Variants in RBM6 observed in about 807,000 individuals in gnomAD.
The protein encoded by RBM6 is RNA binding motif protein 6.
Under a neutral mutation model 140.4 loss-of-function variants are expected in RBM6, and 23 were observed. The observed-to-expected ratio is 0.16, with a 90% CI of 0.12 to 0.23. The LOEUF is 0.23. Among genes scored for constraint, RBM6 ranks in the 10% least tolerant of loss-of-function variants. The pLI is 1.00. For synonymous variants in RBM6, 439 were observed against 475.6 expected (o/e 0.92, Z 1.00); for missense variants, 1,139 against 1,386.7 (o/e 0.82, Z 2.84).
intron 6 of RBM6, among the ~76,000 whole-genome samples, chr3:50,041,390 G>C (rs2088908012): frequency 1.3e-5 from 2 of 152,176 alleles, no homozygotes; most frequent in African/African-American, 4.8e-5. Context: ...ACTTCCCTTA[G>C]CCACTGTACT....
At chr3:50,059,827 C>T in intron 11 of RBM6, 81 bp downstream of exon 11, 2 of 1,108,788 alleles carry the variant, frequency 1.8e-6, no homozygotes, top group Middle Eastern at 2.2e-4. Context: ...GCTGGAAAAA[C>T]AGTAAAGCAT....
At chr3:50,058,611 C>T (rs561675514) in intron 10 of RBM6, 49 bp downstream of exon 10, 33 of 1,528,330 alleles carry the variant, frequency 2.2e-5, no homozygotes, top group Non-Finnish European at 2.9e-5. Flanking sequence ...GGCTAAAGAA[C>T]CTTCAAGAAG....
At chr3:50,041,109 A>G (rs908355001) in intron 6 of RBM6, among the ~76,000 whole-genome samples, 2 of 152,214 alleles carry the variant, frequency 1.3e-5, no homozygotes, top group Admixed American at 1.3e-4. Context: ...GTTTGCTGTC[A>G]AGAACATTTT....
At chr3:50,019,258 TAG>T (rs1306354365) in intron 6 of RBM6, among the ~76,000 whole-genome samples, 1 of 152,020 alleles carries the variant, frequency 6.6e-6, no homozygotes, top group African/African-American at 2.4e-5. Context: ...CTCCTGACCT[TAG>T]GTGATCTGCC....
intron 6 of RBM6, among the ~76,000 whole-genome samples, chr3:50,039,514 G>A (rs568111540): frequency 7.1e-4 from 96 of 135,628 alleles, no homozygotes; most frequent in African/African-American, 2.6e-3. Flanking sequence ...GTCTCCCAAA[G>A]TGCTGGGATT....
intron 6 of RBM6, among the ~76,000 whole-genome samples, chr3:50,034,630 G>A (rs540615174): frequency 7.9e-5 from 12 of 152,144 alleles, no homozygotes; most frequent in South Asian, 6.2e-4. Flanking sequence ...GTGTAGTAGC[G>A]CATGCTTGTA....
Position 49,968,173 on chromosome 3 carries a change from A to G in RBM6, c.748A>G (p.Arg250Gly), listed in dbSNP as rs149609754. The change falls in exon 3 of 21, where the codon AGG (arginine) becomes GGG (glycine). Residue 250 changes from arginine (R) to glycine (G), a missense_variant. Transcript: ENST00000266022. ...TACTACTGATCTAGACTTTAGGGACAGGGATACGCCACATTCAGATTTCAG... is the reference window on the plus strand; with the variant it reads ...TACTACTGATCTAGACTTTAGGGACGGGGATACGCCACATTCAGATTTCAG... ...SGTTDLDFRDRDTPHSDFRGR... is the reference protein window; with the variant it reads ...SGTTDLDFRDGDTPHSDFRGR... 1 of 1,614,224 alleles carries G rather than the reference A, an allele frequency of 6.2e-7. No individual in the cohort carries two copies. The highest frequency in any genetic ancestry group is 8.5e-7 in the Non-Finnish European group (1 of 1,180,036).
rs781339356 is a variant in RBM6, at chr3:50,058,600, T to G, written c.2130+38T>G. ...CACCTTGGATTGGCCTAGAGACAGATGGCTAAAGAACCTTCAAGAAGGTTT... is the reference window on the plus strand; with the variant it reads ...CACCTTGGATTGGCCTAGAGACAGAGGGCTAAAGAACCTTCAAGAAGGTTT... On this transcript the variant is annotated intron_variant, in intron 10 of 20. Transcript: ENST00000266022. 1.9e-6 allele frequency: 3 copies of G among 1,549,694 alleles called. No individual in the cohort carries two copies. The African/African-American group carries it at 4.1e-5, about 21-fold the overall frequency.
At chr3:49,964,103 C>T (rs2084404196) in intron 2 of RBM6, among the ~76,000 whole-genome samples, 1 of 151,958 alleles carries the variant, frequency 6.6e-6, no homozygotes, top group Non-Finnish European at 1.5e-5. Flanking sequence ...GATGGCGTTT[C>T]ACCATGTTGG....
At chr3:49,972,477 T>C (rs1351832959) in intron 4 of RBM6, among the ~76,000 whole-genome samples, 3 of 152,112 alleles carry the variant, frequency 2.0e-5, no homozygotes, top group Non-Finnish European at 4.4e-5. Flanking sequence ...ATTTCTGGAG[T>C]ATGTACATAA....
At chr3:50,022,620 G>A (rs115865640) in intron 6 of RBM6, among the ~76,000 whole-genome samples, 1,929 of 151,954 alleles carry the variant, frequency 0.013, 29 homozygotes, top group Non-Finnish European at 0.02. Flanking sequence ...GTGAGCCACC[G>A]CACCTGACAA....
chr3:50,063,255 C>T (rs1453830829), intron 15 of RBM6, among the ~76,000 whole-genome samples: 1 of 152,112 alleles, frequency 6.6e-6, no homozygotes, highest in East Asian at 1.9e-4. Flanking sequence ...TTTTAAATTA[C>T]TCCCTATGAC....
At chr3:50,039,296 A>G (rs942069553) in intron 6 of RBM6, among the ~76,000 whole-genome samples, 2 of 151,984 alleles carry the variant, frequency 1.3e-5, no homozygotes, top group South Asian at 2.1e-4. Flanking sequence ...CTGGAGTGCA[A>G]TCACACAATC....
intron 6 of RBM6, among the ~76,000 whole-genome samples, chr3:50,035,164 TTGAC>T (rs2088455106): frequency 6.6e-6 from 1 of 151,884 alleles, no homozygotes; most frequent in Non-Finnish European, 1.5e-5. Context: ...AAGAAACAAT[TTGAC>T]TGAGGGTCAT....
At chr3:50,073,367 G>A (rs983036058) in intron 19 of RBM6, among the ~76,000 whole-genome samples, 1 of 152,204 alleles carries the variant, frequency 6.6e-6, no homozygotes, top group Admixed American at 6.5e-5. Context: ...ATGGTGGAAA[G>A]TAAAAGAACA....
chr3:50,017,480 C>A (rs1397472533), intron 6 of RBM6, among the ~76,000 whole-genome samples: 1 of 151,542 alleles, frequency 6.6e-6, no homozygotes, highest in African/African-American at 2.4e-5. Context: ...ATGGCGTGAA[C>A]CCAGGAGGTG....
intron 6 of RBM6, among the ~76,000 whole-genome samples, chr3:50,007,037 C>T (rs2086614720): frequency 1.3e-5 from 2 of 151,658 alleles, no homozygotes; most frequent in South Asian, 2.1e-4. Context: ...GTTACAGCAG[C>T]TCTGGTCTTG....
intron 6 of RBM6, among the ~76,000 whole-genome samples, chr3:50,045,775 GC>G: frequency 6.6e-6 from 1 of 152,118 alleles, no homozygotes; most frequent in East Asian, 1.9e-4. Context: ...TATATTCTAT[GC>G]TAAGCTCTTT....
chr3:50,060,607 A>C (rs1375288200), intron 11 of RBM6, among the ~76,000 whole-genome samples: 1 of 148,550 alleles, frequency 6.7e-6, no homozygotes, highest in African/African-American at 2.5e-5. Context: ...AAAAAAAATT[A>C]GCTGGGCGTG....
Sources: allele counts gnomAD v4.1 joint callset (sites outside exome capture counted in the v4.1 genomes callset), GRCh38; gene constraint gnomAD v4.1.1; transcripts MANE v1.5; gene names NCBI Gene and HGNC (gene_info 2026-07-23, HGNC 2026-07-21).